BACH2: variants seen among roughly 807,000 people sequenced by gnomAD.
BACH2 encodes the protein transcription regulator protein BACH2.
Under a neutral mutation model 61.8 loss-of-function variants are expected in BACH2, and 5 were observed. The ratio of observed to expected loss-of-function variants is 0.08; its 90% CI spans 0.04 to 0.17. The LOEUF (loss-of-function observed/expected upper bound fraction) is 0.17, where lower values mean the gene tolerates loss of function less well. Ranked by LOEUF, BACH2 falls within the 10% of genes least tolerant of loss-of-function variation. BACH2 has a pLI of 1.00. For synonymous variants in BACH2, 446 were observed against 440.1 expected (o/e 1.01, Z -0.17); for missense variants, 824 against 1,091.1 (o/e 0.76, Z 3.45).
chr6:90,013,384 C>T (rs186894534), intron 5 of BACH2, among the ~76,000 whole-genome samples: 4 of 152,242 alleles, frequency 2.6e-5, no homozygotes, highest in Non-Finnish European at 4.4e-5. Flanking sequence ...TTTTGTATGA[C>T]GTTAGCTATA....
At chr6:89,966,166 A>C (rs1378250981) in intron 6 of BACH2, among the ~76,000 whole-genome samples, 1 of 152,216 alleles carries the variant, frequency 6.6e-6, no homozygotes, top group African/African-American at 2.4e-5. Context: ...GTATTTCTAC[A>C]GTCTTTAGTC....
chr6:90,050,424 T>C (rs889354759), intron 5 of BACH2, among the ~76,000 whole-genome samples: 6 of 152,146 alleles, frequency 3.9e-5, no homozygotes, highest in Admixed American at 2.0e-4. Context: ...ACCTATTAAC[T>C]CTATCCTTGT....
At chr6:90,222,310 A>G (rs905038282) in intron 3 of BACH2, among the ~76,000 whole-genome samples, 2 of 152,192 alleles carry the variant, frequency 1.3e-5, no homozygotes, top group East Asian at 3.9e-4. Flanking sequence ...CAACAATGTG[A>G]AGAAGCAGAA....
At chr6:90,296,147 T>C (rs574440273) in intron 1 of BACH2, among the ~76,000 whole-genome samples, 1 of 152,006 alleles carries the variant, frequency 6.6e-6, no homozygotes, top group Middle Eastern at 3.4e-3. Flanking sequence ...CCTGACTTAT[T>C]ACTCTCTGCT....
In BACH2 at chr6:90,054,275, G is replaced by A. The variant is rs369772580; in HGVS notation, c.-13+34686C>T. Among the ~76,000 whole-genome samples the A allele has an allele frequency of 9.2e-5, 14 of 152,318 alleles. No individual in the cohort carries two copies. In the East Asian group the frequency reaches 9.7e-4, roughly 11 times the overall value. On this transcript the variant is annotated intron_variant, in intron 5 of 8. Transcript: ENST00000257749. Reference sequence around the variant, plus strand: ...ATCAGGTCACTTCCACCCTAATACTGCGCTTTTCAAATGGGCTTAAAAAAT... The same window carrying A: ...ATCAGGTCACTTCCACCCTAATACTACGCTTTTCAAATGGGCTTAAAAAAT...
At chr6:90,254,572 A>G (rs2127872002) in intron 2 of BACH2, among the ~76,000 whole-genome samples, 1 of 152,164 alleles carries the variant, frequency 6.6e-6, no homozygotes, top group African/African-American at 2.4e-5. Context: ...CTTTAAGAAA[A>G]TAAAAAGGAC....
chr6:90,113,994 C>T (rs1783289170), intron 4 of BACH2, among the ~76,000 whole-genome samples: 1 of 152,028 alleles, frequency 6.6e-6, no homozygotes, highest in Admixed American at 6.6e-5. Flanking sequence ...CTGAACAGAC[C>T]AACAGTGAGC....
intron 1 of BACH2, among the ~76,000 whole-genome samples, chr6:90,296,144 T>C (rs192342119): frequency 2.6e-5 from 4 of 151,934 alleles, no homozygotes; most frequent in African/African-American, 2.4e-5. Context: ...ATGCCTGACT[T>C]ATTACTCTCT....
intron 4 of BACH2, among the ~76,000 whole-genome samples, chr6:90,143,372 T>C (rs1419439551): frequency 6.6e-6 from 1 of 152,206 alleles, no homozygotes; most frequent in Non-Finnish European, 1.5e-5. Context: ...AATTCACCTC[T>C]GCCCATTATC....
At chr6:89,947,727 A>T (rs562349383) in intron 7 of BACH2, among the ~76,000 whole-genome samples, 2 of 151,388 alleles carry the variant, frequency 1.3e-5, no homozygotes, top group African/African-American at 4.9e-5. Context: ...CACGACGCCC[A>T]GCTAATTTTT....
intron 5 of BACH2, among the ~76,000 whole-genome samples, chr6:90,038,225 ACAAT>A (rs2127790158): frequency 6.6e-6 from 1 of 152,344 alleles, no homozygotes; most frequent in South Asian, 2.1e-4. Context: ...CCATAAGGGC[ACAAT>A]CAATGATTTT....
At chr6:89,989,195 T>C (rs1417498115) in intron 6 of BACH2, among the ~76,000 whole-genome samples, 4 of 152,214 alleles carry the variant, frequency 2.6e-5, no homozygotes, top group Non-Finnish European at 4.4e-5. Context: ...CCTAGAAATG[T>C]ACACAGTTTG....
chr6:90,170,500 GAA>G (rs1416190540), intron 4 of BACH2, among the ~76,000 whole-genome samples: 1 of 152,166 alleles, frequency 6.6e-6, no homozygotes, highest in East Asian at 1.9e-4. Context: ...AGTATTTGTT[GAA>G]AAGTCAGTAA....
chr6:90,188,760 GA>G (rs57618295), intron 4 of BACH2, among the ~76,000 whole-genome samples: 22,299 of 79,038 alleles, frequency 0.28, 1,581 homozygotes, highest in East Asian at 0.41. Flanking sequence ...GCCCCAAAAT[GA>G]AAAAAAAAAA....
chr6:90,075,942 C>A lies in BACH2; in HGVS notation c.-13+13019G>T, dbSNP rs150200504. On this transcript the variant is annotated intron_variant, in intron 5 of 8. Transcript: ENST00000257749. ...AACTGGAAAATGGTGACTGGCACATCTGCAATGATCTAGATGATGGTAAGA... is the reference window on the plus strand; with the variant it reads ...AACTGGAAAATGGTGACTGGCACATATGCAATGATCTAGATGATGGTAAGA... 3.2e-3 allele frequency among the ~76,000 whole-genome samples: 493 copies of A among 152,164 alleles called. 2 individuals are homozygous for A. The highest frequency in any genetic ancestry group is 0.011 in the African/African-American group (456 of 41,514).
intron 3 of BACH2, among the ~76,000 whole-genome samples, chr6:90,243,226 T>C (rs1770516347): frequency 1.3e-5 from 2 of 151,556 alleles, no homozygotes; most frequent in African/African-American, 4.8e-5. Context: ...CTCAAAAAAA[T>C]GTATTAATAA....
chr6:90,231,144 T>A (rs75684523), intron 3 of BACH2, among the ~76,000 whole-genome samples: 2,452 of 152,260 alleles, frequency 0.016, 43 homozygotes, highest in East Asian at 0.072. Context: ...CCAAACTGTT[T>A]TCTTAGGGGT....
Position 89,951,178 on chromosome 6 carries a change from C to G in BACH2, c.928G>C (p.Asp310His), listed in dbSNP as rs1774081855. Residue 310 changes from aspartate (D) to histidine (H), a missense_variant, in exon 7 of 9, where the codon GAC becomes CAC. Asp to His is a moderately conservative substitution (Grantham distance 81, BLOSUM62 -1). Around this residue, in one of 8 missense-constraint regions of BACH2, gnomAD observed 226 missense variants for 228.5 expected, o/e 0.99. Transcript: ENST00000257749. The surrounding 1 kb of genome is among the most constrained non-coding windows in gnomAD (Gnocchi z 6.4). ...GGGGCAGGGCTGGGCTGTTTCCGGT[C>G]CATCTCGACATCCCCCGCTCTGTCC... ...AKDRAGDVEM[D>H]RKQPSPAPTP... The G allele has an allele frequency of 1.2e-6, 2 of 1,613,740 alleles. No individual in the cohort carries two copies. Among genetic ancestry groups the G allele is most frequent in the Non-Finnish European group, 1.7e-6 (2 of 1,180,008 alleles).
intron 2 of BACH2, among the ~76,000 whole-genome samples, chr6:90,268,025 T>TC (rs925407688): frequency 6.6e-6 from 1 of 151,378 alleles, no homozygotes; most frequent in African/African-American, 2.4e-5. Flanking sequence ...TTTTTTTTTT[T>TC]CAAGACAGGG....
Sources: gnomAD v4.1 joint callset for allele counts (sites outside exome capture counted in the v4.1 genomes callset) on GRCh38, gnomAD v4.1.1 for gene constraint, gnomAD v4.1.1 regional missense constraint, Gnocchi (gnomAD v3.1) non-coding constraint, MANE v1.5 for transcripts, NCBI Gene and HGNC (gene_info 2026-07-23, HGNC 2026-07-21) for gene names.